The following METAP1D variants were observed in gnomAD, a reference collection of about 807,000 sequenced individuals.
METAP1D encodes the protein methionine aminopeptidase 1D, mitochondrial.
Under a neutral mutation model 40.5 loss-of-function variants are expected in METAP1D, and 31 were observed. The ratio of observed to expected loss-of-function variants is 0.77; its 90% CI spans 0.58 to 1.03. The LOEUF is 1.03. Among genes scored for constraint, METAP1D ranks in the 50% least tolerant of loss-of-function variants. The pLI, the probability that METAP1D is intolerant of heterozygous loss-of-function variation, is 0.00. For synonymous variants in METAP1D, 151 were observed against 146.4 expected (o/e 1.03, Z -0.22); for missense variants, 411 against 420.7 (o/e 0.98, Z 0.20).
intron 1 of METAP1D, among the ~76,000 whole-genome samples, chr2:172,009,777 G>T (rs1401128996): frequency 6.6e-6 from 1 of 152,140 alleles, no homozygotes; most frequent in African/African-American, 2.4e-5. Context: ...AGCCATTGCA[G>T]TCAGTTAGAA....
At chr2:172,033,798 C>T (rs980916448) in intron 1 of METAP1D, among the ~76,000 whole-genome samples, 3 of 151,020 alleles carry the variant, frequency 2.0e-5, no homozygotes, top group Admixed American at 6.6e-5. Flanking sequence ...GTTCTCATCA[C>T]AGGCCGGGTA....
chr2:172,005,131 T>C (rs1410377758), intron 1 of METAP1D, among the ~76,000 whole-genome samples: 7 of 152,104 alleles, frequency 4.6e-5, no homozygotes, highest in Non-Finnish European at 1.0e-4. Context: ...GCCCAGGCTG[T>C]GAAACAGTTT....
At chr2:172,015,979 G>A (rs916035713) in intron 1 of METAP1D, among the ~76,000 whole-genome samples, 1 of 149,064 alleles carries the variant, frequency 6.7e-6, no homozygotes, top group Admixed American at 6.7e-5. Flanking sequence ...ATAGAGAGCC[G>A]GGCATGGTGG....
chr2:172,007,441 T>A (rs1293330804), intron 1 of METAP1D, among the ~76,000 whole-genome samples: 1 of 152,234 alleles, frequency 6.6e-6, no homozygotes, highest in Non-Finnish European at 1.5e-5. Flanking sequence ...GGCAATATGT[T>A]AAATCTGTTT....
At chr2:172,037,375 G>A (rs989856815) in intron 1 of METAP1D, among the ~76,000 whole-genome samples, 3 of 151,548 alleles carry the variant, frequency 2.0e-5, no homozygotes, top group African/African-American at 4.9e-5. Context: ...GCTAAATTAC[G>A]TCTTCCTACC....
intron 6 of METAP1D, among the ~76,000 whole-genome samples, chr2:172,072,939 A>G (rs947464314): frequency 4.6e-5 from 7 of 152,190 alleles, no homozygotes; most frequent in Non-Finnish European, 1.0e-4. Flanking sequence ...AACAGGCTAG[A>G]TCAGTAAGGT....
intron 1 of METAP1D, among the ~76,000 whole-genome samples, chr2:172,030,090 A>AT (rs201221974): frequency 0.014 from 2,001 of 140,184 alleles, 27 homozygotes; most frequent in African/African-American, 0.024. Context: ...TTATTTATTT[A>AT]TTTATTTATT....
At chr2:172,007,165 ATTTTTTTTTT>A (rs139762342) in intron 1 of METAP1D, among the ~76,000 whole-genome samples, 24 of 134,278 alleles carry the variant, frequency 1.8e-4, no homozygotes, top group South Asian at 2.3e-4. Context: ...ATGTCATGTA[ATTTTTTTTTT>A]TTTTTTTTTT....
At chr2:172,014,552 G>C (rs958864760) in intron 1 of METAP1D, among the ~76,000 whole-genome samples, 4 of 152,228 alleles carry the variant, frequency 2.6e-5, no homozygotes, top group Non-Finnish European at 4.4e-5. Flanking sequence ...TGTTTAAAAT[G>C]TGGCCTGTTC....
At chr2:172,005,386 A>G (rs1009765525) in intron 1 of METAP1D, among the ~76,000 whole-genome samples, 1 of 151,620 alleles carries the variant, frequency 6.6e-6, no homozygotes, top group African/African-American at 2.4e-5. Context: ...TATAAGTGAG[A>G]ACATACAGTA....
intron 1 of METAP1D, among the ~76,000 whole-genome samples, chr2:172,019,901 C>T (rs1178160167): frequency 6.6e-6 from 1 of 152,126 alleles, no homozygotes; most frequent in African/African-American, 2.4e-5. Context: ...GTTACTTGAA[C>T]ATATGGATTT....
chr2:172,005,552 T>A (rs1476092987), intron 1 of METAP1D, among the ~76,000 whole-genome samples: 25 of 91,012 alleles, frequency 2.7e-4, no homozygotes, highest in South Asian at 8.3e-4. Context: ...ATATCTTTTT[T>A]TTTTTTTTTG....
chr2:172,014,086 G>GA (rs1283245938), intron 1 of METAP1D, among the ~76,000 whole-genome samples: 7 of 150,946 alleles, frequency 4.6e-5, no homozygotes, highest in African/African-American at 1.7e-4. Context: ...GCCTCTGAAA[G>GA]TGCTGGGATT....
rs891873624 is a variant in METAP1D at position 172,044,438 on chromosome 2, C to G, written c.41-17060C>G. Among the ~76,000 whole-genome samples, 66 of 101,324 alleles carry G rather than the reference C, an allele frequency of 6.5e-4. 6 individuals carry two copies. Among genetic ancestry groups the G allele is most frequent in the African/African-American group, 2.0e-3 (63 of 31,794 alleles). The allele number at this position is 101,324 out of a possible 152,430, so 66.5% of individuals were successfully genotyped here. ...AAAAAAAAAAAAAACCCAAAACAAA[C>G]AAAAAACCTAGCTGGGCGTGGTGGC... On this transcript the variant is annotated intron_variant, in intron 1 of 9. Coordinates refer to ENST00000315796, the MANE Select transcript of METAP1D (RefSeq NM_199227.3).
intron 1 of METAP1D, among the ~76,000 whole-genome samples, chr2:172,019,618 A>G (rs1389943033): frequency 6.6e-6 from 1 of 152,076 alleles, no homozygotes; most frequent in African/African-American, 2.4e-5. Context: ...GAGACTATAT[A>G]TATGTATATA....
chr2:172,007,132 A>C (rs1688604748), intron 1 of METAP1D, among the ~76,000 whole-genome samples: 1 of 136,338 alleles, frequency 7.3e-6, no homozygotes, highest in Non-Finnish European at 1.6e-5. Context: ...TTTATTGTAC[A>C]TTACGTTTTC....
At chr2:172,013,004 A>C (rs139240112) in intron 1 of METAP1D, among the ~76,000 whole-genome samples, 1 of 152,300 alleles carries the variant, frequency 6.6e-6, no homozygotes, top group African/African-American at 2.4e-5. Context: ...TGTGACTGTA[A>C]ATCTGGAGAA....
chr2:172,004,190 A>T (rs1210191299), intron 1 of METAP1D, among the ~76,000 whole-genome samples: 2 of 152,216 alleles, frequency 1.3e-5, no homozygotes, highest in Non-Finnish European at 2.9e-5. Flanking sequence ...CAAAAATGTA[A>T]TAGCCAGGCA....
At chr2:172,035,408 A>C (rs993845352) in intron 1 of METAP1D, among the ~76,000 whole-genome samples, 69 of 151,638 alleles carry the variant, frequency 4.6e-4, no homozygotes, top group African/African-American at 1.3e-3. Flanking sequence ...TCGTGATCCT[A>C]CCGCCTCCGC....
Sources: gnomAD v4.1 joint callset for allele counts (sites outside exome capture counted in the v4.1 genomes callset) on GRCh38, gnomAD v4.1.1 for gene constraint, MANE v1.5 for transcripts, NCBI Gene and HGNC (gene_info 2026-07-23, HGNC 2026-07-21) for gene names.